PLCE1: variants seen among roughly 807,000 people sequenced by gnomAD.
The protein encoded by PLCE1 is 1-phosphatidylinositol 4,5-bisphosphate phosphodiesterase epsilon-1.
PLCE1 carries 119 observed loss-of-function variants against 242.8 expected under a neutral mutation model. The ratio of observed to expected loss-of-function variants is 0.49; its 90% CI spans 0.42 to 0.57. The LOEUF (loss-of-function observed/expected upper bound fraction) is 0.57. Among genes scored for constraint, PLCE1 ranks in the 20% least tolerant of loss-of-function variants. The pLI, the probability that PLCE1 is intolerant of heterozygous loss-of-function variation, is 0.00. For synonymous variants in PLCE1, 945 were observed against 1,017.4 expected (o/e 0.93, Z 1.35); for missense variants, 2,441 against 2,788.8 (o/e 0.88, Z 2.81).
Position 94,056,318 on chromosome 10 carries a change from A to G in PLCE1, c.1206+24066A>G, listed in dbSNP as rs1330115819. ...GGGGTTGGAAGAGCCCCTAGAATTT[A>G]TGATTGTCTTTGTCAAACACCGTGT... On this transcript the variant is annotated intron_variant, in intron 2 of 32. Transcript: ENST00000371380. Among the ~76,000 whole-genome samples the G allele has an allele frequency of 2.6e-5, 4 of 152,310 alleles. No homozygotes were observed. In the East Asian group the frequency reaches 5.8e-4, roughly 22 times the overall value.
chr10:94,065,286 T>C (rs113516576), intron 2 of PLCE1, among the ~76,000 whole-genome samples: 8 of 152,212 alleles, frequency 5.3e-5, no homozygotes, highest in African/African-American at 1.9e-4. Context: ...GGATTGGTGA[T>C]ACCATTTATT....
chr10:94,260,983 G>A (rs2051276909), intron 13 of PLCE1, among the ~76,000 whole-genome samples: 1 of 152,108 alleles, frequency 6.6e-6, no homozygotes, highest in Non-Finnish European at 1.5e-5. Flanking sequence ...AGTTAATATT[G>A]ATATATTATG....
At chr10:94,209,126 AT>A (rs2049255886) in intron 4 of PLCE1, among the ~76,000 whole-genome samples, 1 of 152,178 alleles carries the variant, frequency 6.6e-6, no homozygotes, top group Non-Finnish European at 1.5e-5. Context: ...GTAAGGTTGT[AT>A]GTTTCTTTTC....
intron 11 of PLCE1, among the ~76,000 whole-genome samples, chr10:94,257,748 A>G (rs1167067772): frequency 6.6e-6 from 1 of 152,168 alleles, no homozygotes; most frequent in Non-Finnish European, 1.5e-5. Flanking sequence ...AGGGCGGGGA[A>G]TATCACACAC....
intron 4 of PLCE1, among the ~76,000 whole-genome samples, chr10:94,208,586 G>A (rs2049239044): frequency 6.6e-6 from 1 of 152,110 alleles, no homozygotes; most frequent in African/African-American, 2.4e-5. Context: ...AGATCCCCAT[G>A]AACATTTAAG....
rs58610099 is a variant in PLCE1 at position 94,319,864 on chromosome 10, C to CTTTTTTTTTTTTT, written c.6343-2026_6343-2014dup. Reference sequence around the variant, plus strand: ...GCTCTGAGGGAGGCTCAAAGGTGCTCTTTTTTTTTTTTTTTTTTTTTTTGA... The same window carrying CTTTTTTTTTTTTT: ...GCTCTGAGGGAGGCTCAAAGGTGCTCTTTTTTTTTTTTTTTTTTTTTTTTTTTTTTTTTTTTGA... On this transcript the variant is annotated intron_variant, in intron 29 of 32. Transcript: ENST00000371380. 9.4e-3 allele frequency among the ~76,000 whole-genome samples: 876 copies of CTTTTTTTTTTTTT among 92,894 alleles called. 44 individuals are homozygous for CTTTTTTTTTTTTT. The highest frequency in any genetic ancestry group is 0.017 in the East Asian group (53 of 3,066). The allele number at this position is 92,894 out of a possible 152,430, so 60.9% of individuals were successfully genotyped here. A position where few individuals can be genotyped will look rare whatever the true frequency, so the allele number is the denominator to read the frequency against.
Position 94,246,350 on chromosome 10 carries a change from A to G in PLCE1, c.2825A>G (p.Lys942Arg). The change falls in exon 8 of 33, where the codon AAG (lysine) becomes AGG (arginine). Residue 942 changes from lysine (K) to arginine (R), a missense_variant. Lys to Arg is a conservative substitution (Grantham distance 26). Coordinates refer to ENST00000371380, the MANE Select transcript of PLCE1 (RefSeq NM_016341.4). Reference protein sequence around the residue: ...TEGVLDLFAVKAVYMGHPGID... With the variant: ...TEGVLDLFAVRAVYMGHPGID... ...GGGGTCTTGGATCTTTTTGCAGTGA[A>G]GGCTGTATACATGGGCCACCCTGGC... 2 of 1,614,160 alleles carry G rather than the reference A, an allele frequency of 1.2e-6. No individual in the cohort carries two copies. Among genetic ancestry groups the G allele is most frequent in the Non-Finnish European group, 1.7e-6 (2 of 1,180,010 alleles).
intron 4 of PLCE1, among the ~76,000 whole-genome samples, chr10:94,214,209 A>G (rs1358863142): frequency 6.6e-6 from 1 of 152,206 alleles, no homozygotes; most frequent in Non-Finnish European, 1.5e-5. Flanking sequence ...TGCCCTTCCC[A>G]GAAGACTGTC....
In PLCE1 at chr10:94,014,505, T is replaced by C. The variant is rs1196110494; in HGVS notation, c.-364-16178T>C. Among the ~76,000 whole-genome samples the C allele has an allele frequency of 2.0e-5, 3 of 151,914 alleles. No individual in the cohort carries two copies. The East Asian group carries it at 5.8e-4, about 29-fold the overall frequency. The stretch of plus-strand genomic sequence containing the variant: ...CTGTAGTCCCAGCTGAATGAGATCA[T>C]GTCTCTAAAAAATAAAAAATAAAGT... On this transcript the variant is annotated intron_variant, in intron 1 of 32. Transcript: ENST00000371380.
At chr10:94,217,131 G>A (rs114574268) in intron 4 of PLCE1, among the ~76,000 whole-genome samples, 2,397 of 151,708 alleles carry the variant, frequency 0.016, 57 homozygotes, top group African/African-American at 0.054. Flanking sequence ...TTGCAGGTGT[G>A]TAACCTTGGG....
chr10:94,207,323 G>A (rs2049187401), intron 4 of PLCE1, among the ~76,000 whole-genome samples: 1 of 152,162 alleles, frequency 6.6e-6, no homozygotes, highest in African/African-American at 2.4e-5. Flanking sequence ...CTAAATTGAT[G>A]AGTAAATAAG....
chr10:94,054,332 C>T (rs1383398652), intron 2 of PLCE1, among the ~76,000 whole-genome samples: 1 of 152,186 alleles, frequency 6.6e-6, no homozygotes, highest in Non-Finnish European at 1.5e-5. Flanking sequence ...TAGATGCATC[C>T]ATGTGCCTGA....
At chr10:94,132,143 T>G in intron 2 of PLCE1, 31 bp from the exon 3 acceptor site, 2 of 1,607,866 alleles carry the variant, frequency 1.2e-6, no homozygotes, top group East Asian at 2.2e-5. Flanking sequence ...GAAACTAGAT[T>G]AATACTTCCT....
At chr10:93,994,932 G>A (rs932367665) in intron 1 of PLCE1, among the ~76,000 whole-genome samples, 2 of 152,202 alleles carry the variant, frequency 1.3e-5, no homozygotes, top group African/African-American at 4.8e-5. Flanking sequence ...CTGTTAAGTA[G>A]GATTCACGTC....
intron 3 of PLCE1, among the ~76,000 whole-genome samples, chr10:94,165,398 C>T (rs949923768): frequency 1.3e-5 from 2 of 152,162 alleles, no homozygotes; most frequent in Admixed American, 6.5e-5. Context: ...TAGCAATGAG[C>T]GAGGCTCTGT....
intron 22 of PLCE1, among the ~76,000 whole-genome samples, chr10:94,286,309 C>A (rs187048106): frequency 6.6e-6 from 1 of 152,002 alleles, no homozygotes; most frequent in African/African-American, 2.4e-5. Flanking sequence ...CAGTGCCTGA[C>A]AAATGGGCCA....
At chr10:94,172,285 C>G (rs996281318) in intron 4 of PLCE1, among the ~76,000 whole-genome samples, 21 of 152,128 alleles carry the variant, frequency 1.4e-4, no homozygotes, top group Admixed American at 6.5e-5. Context: ...AAGGCACTTT[C>G]TCTTAGTAAT....
chr10:94,062,807 T>C (rs573935753), intron 2 of PLCE1, among the ~76,000 whole-genome samples: 1 of 152,250 alleles, frequency 6.6e-6, no homozygotes, highest in South Asian at 2.1e-4. Context: ...CTATAGCAGA[T>C]CTTGGCAACA....
intron 2 of PLCE1, among the ~76,000 whole-genome samples, chr10:94,052,340 G>A (rs2043788040): frequency 6.6e-6 from 1 of 152,298 alleles, no homozygotes; most frequent in Non-Finnish European, 1.5e-5. Flanking sequence ...GAAAAGGTAA[G>A]TGTGAGTCCC....
Sources: gnomAD v4.1 joint callset for allele counts (sites outside exome capture counted in the v4.1 genomes callset) on GRCh38, gnomAD v4.1.1 for gene constraint, MANE v1.5 for transcripts, NCBI Gene and HGNC (gene_info 2026-07-23, HGNC 2026-07-21) for gene names.